The following COPA variants were observed in gnomAD, a reference collection of about 807,000 sequenced individuals.
COPA encodes the protein coat protein complex I subunit alpha.
Under a neutral mutation model 158.7 loss-of-function variants are expected in COPA, and 10 were observed. The observed-to-expected ratio is 0.06, with a 90% CI of 0.04 to 0.11. COPA has a LOEUF of 0.11. COPA is among the 10% of genes least tolerant of loss of function. The pLI, the probability that COPA is intolerant of heterozygous loss-of-function variation, is 1.00. For synonymous variants in COPA, 462 were observed against 542.8 expected, an observed-to-expected ratio of 0.85 and a Z score of 2.07; for missense variants, 1,065 against 1,536.7, an observed-to-expected ratio of 0.69 and a Z score of 5.13.
chr1:160,293,971 G>C (rs1658322395), intron 25 of COPA, among the ~76,000 whole-genome samples: 1 of 152,212 alleles, frequency 6.6e-6, no homozygotes, highest in Non-Finnish European at 1.5e-5. Context: ...CTCCAATTCA[G>C]ATGAAACAGC....
At chr1:160,307,356 G>T (rs1214145686) in intron 13 of COPA, 111 bp from the exon 14 acceptor site, 3 of 974,504 alleles carry the variant, frequency 3.1e-6, no homozygotes, top group Non-Finnish European at 5.0e-6. Context: ...GGCTTTGCCA[G>T]TTGAGCTGCT....
intron 15 of COPA, 102 bp from the exon 16 acceptor site, chr1:160,305,875 T>TCTTAATGTAATTCTAATTACATAAAATA (rs1658770655): frequency 1.1e-6 from 1 of 910,256 alleles, no homozygotes; most frequent in Non-Finnish European, 1.8e-6. Flanking sequence ...AACCCCAATT[T>TCTTAATGTAATTCTAATTACATAAAATA]CTTAATGTAA....
At position 160,305,700 on chromosome 1, in the gene COPA, G is replaced by A; in HGVS notation, c.1516C>T (p.Leu506=). Residue 506 remains leucine, a synonymous_variant, in exon 16 of 33, where the codon CTA becomes TTA. Coordinates refer to ENST00000241704, the MANE Select transcript of COPA (RefSeq NM_004371.4). ...WSADMSHVAL[L]AKHAIVICNR... ...AATGAAGACTCACCGTGTTTGGCTAGTAGTGCTACATGTGACATGTCTGCT... is the reference window on the plus strand; with the variant it reads ...AATGAAGACTCACCGTGTTTGGCTAATAGTGCTACATGTGACATGTCTGCT... 6.2e-7 allele frequency: 1 copy of A among 1,614,172 alleles called. No homozygotes were observed. The highest frequency in any genetic ancestry group is 8.5e-7 in the Non-Finnish European group (1 of 1,180,006).
rs776622239 is a variant in COPA, at chr1:160,292,144, G to A, written c.3015C>T (p.Asp1005=). The change falls in exon 29 of 33, where the codon GAC becomes GAT. Residue 1005 remains aspartate, a synonymous_variant. Coordinates refer to ENST00000241704, the MANE Select transcript of COPA (RefSeq NM_004371.4). The part of the protein sequence containing the change: ...GVPAVGLKLN[D]LIQRLQLCYQ... ...AGCACAGCTGCAACCGTTGGATGAG[G>A]TCATTAAGCTTCAGGCCCACAGCTG... 1.9e-6 allele frequency: 3 copies of A among 1,614,028 alleles called. No individual in the cohort carries two copies. Among genetic ancestry groups the A allele is most frequent in the Non-Finnish European group, 2.5e-6 (3 of 1,180,030 alleles).
At position 160,305,554 on chromosome 1, in the gene COPA, G is replaced by A. The variant is rs141240745; in HGVS notation, c.1546C>T (p.Arg516Cys). Reference sequence around the variant, plus strand: ...ATGTTACATAAAGCATCCAGTTTGCGGTTACAGATCACAATGGCTGTAAGA... The same window carrying A: ...ATGTTACATAAAGCATCCAGTTTGCAGTTACAGATCACAATGGCTGTAAGA... The part of the protein sequence containing the change: ...LAKHAIVICN[R>C]KLDALCNIHE... The change falls in exon 17 of 33, where the codon CGC becomes TGC. Residue 516 changes from arginine (R) to cysteine (C), a missense_variant. Coordinates refer to ENST00000241704, the MANE Select transcript of COPA (RefSeq NM_004371.4). The A allele has an allele frequency of 5.0e-6, 8 of 1,614,162 alleles. No homozygotes were observed. The highest frequency in any genetic ancestry group is 6.8e-6 in the Non-Finnish European group (8 of 1,180,040).
rs1430210786 is a variant in COPA at position 160,306,428 on chromosome 1, G to T, written c.1368C>A (p.Ile456=). The T allele has an allele frequency of 6.2e-7, 1 of 1,614,166 alleles. No homozygotes were observed. The highest frequency in any genetic ancestry group is 2.2e-5 in the East Asian group (1 of 44,890). Residue 456 remains isoleucine (I), a synonymous_variant, in exon 15 of 33, where the codon ATC becomes ATA. Transcript: ENST00000241704. ...GGAGATTGCCTGTGCCAGCATAGAA[G>T]ATCTCATCACAGTTGGGCACCTGTA... ...KKVQVPNCDE[I]FYAGTGNLLL...
intron 12 of COPA, 101 bp downstream of exon 12, chr1:160,310,091 A>G (rs1658917378): frequency 3.1e-6 from 2 of 655,604 alleles, no homozygotes; most frequent in Non-Finnish European, 4.9e-6. Flanking sequence ...CAAAATGACC[A>G]TTAAATAGTT....
chr1:160,336,779 T>G (rs1055976866), intron 3 of COPA, among the ~76,000 whole-genome samples: 18 of 152,316 alleles, frequency 1.2e-4, no homozygotes, highest in Non-Finnish European at 2.2e-4. Context: ...TATTTCTAAT[T>G]TTTAACTTTT....
At chr1:160,343,016 C>T in intron 1 of COPA, 115 bp downstream of exon 1, 2 of 1,272,062 alleles carry the variant, frequency 1.6e-6, no homozygotes, top group African/African-American at 2.9e-5. Context: ...CCGTCTTCCT[C>T]CGGGTCCGTC....
intron 8 of COPA, among the ~76,000 whole-genome samples, chr1:160,316,859 A>G (rs1659160125): frequency 6.6e-6 from 1 of 152,200 alleles, no homozygotes; most frequent in Non-Finnish European, 1.5e-5. Flanking sequence ...AACTTGAGGA[A>G]GAAATATCCA....
At chr1:160,294,889 T>A in intron 23 of COPA, 32 bp from the exon 24 acceptor site, 1 of 1,597,864 alleles carries the variant, frequency 6.3e-7, no homozygotes, top group Non-Finnish European at 8.6e-7. Flanking sequence ...CGGAACTGGT[T>A]ATAGTCCAGC....
intron 17 of COPA, among the ~76,000 whole-genome samples, chr1:160,299,533 TTC>T (rs1361669559): frequency 6.6e-6 from 1 of 152,248 alleles, no homozygotes; most frequent in African/African-American, 2.4e-5. Flanking sequence ...AAATCTTAAG[TTC>T]TGATATATAA....
chr1:160,297,211 G>T (rs1658444627), intron 21 of COPA, 132 bp downstream of exon 21: 10 of 777,824 alleles, frequency 1.3e-5, no homozygotes, highest in Non-Finnish European at 1.9e-5. Context: ...AAGCACAGTA[G>T]GAGCATGTTG....
intron 5 of COPA, 108 bp downstream of exon 5, chr1:160,333,495 A>G: frequency 4.2e-6 from 3 of 717,300 alleles, no homozygotes; most frequent in Non-Finnish European, 6.8e-6. Context: ...GTAATTAATC[A>G]GCCGACATAG....
At chr1:160,330,960 G>C (rs1485441956) in intron 6 of COPA, among the ~76,000 whole-genome samples, 1 of 152,124 alleles carries the variant, frequency 6.6e-6, no homozygotes, top group African/African-American at 2.4e-5. Flanking sequence ...GATCACCTGA[G>C]ATCAGGAGCT....
At chr1:160,322,595 C>T (rs1049631580) in intron 8 of COPA, among the ~76,000 whole-genome samples, 2 of 151,780 alleles carry the variant, frequency 1.3e-5, no homozygotes, top group Non-Finnish European at 2.9e-5. Context: ...AATATATATA[C>T]ATATATATAG....
chr1:160,307,191 C>A lies in COPA; in HGVS notation c.1274G>T (p.Arg425Leu), dbSNP rs767077238. 1.2e-6 allele frequency: 2 copies of A among 1,614,152 alleles called. No individual in the cohort carries two copies. The highest frequency in any genetic ancestry group is 1.7e-6 in the Non-Finnish European group (2 of 1,180,022). ...ATGCATCCGATCTAGGACAGCAAAC[C>A]GATTTCGAGCGACCCAAACGGCTGT... ...GLTAVWVARNRFAVLDRMHSL... is the reference protein window; with the variant it reads ...GLTAVWVARNLFAVLDRMHSL... The change falls in exon 14 of 33, where the codon CGG (arginine) becomes CTG (leucine). Residue 425 changes from arginine to leucine, a missense_variant. Coordinates refer to ENST00000241704, the MANE Select transcript of COPA (RefSeq NM_004371.4).
intron 17 of COPA, 157 bp downstream of exon 17, chr1:160,305,276 G>A (rs1241580587): frequency 1.6e-6 from 1 of 617,960 alleles, no homozygotes; most frequent in Non-Finnish European, 2.7e-6. Context: ...TTTTAAAAAA[G>A]TTGAAAAAAG....
Position 160,309,192 on chromosome 1 carries a change from G to A in COPA, c.1144-16C>T. 1 of 1,601,032 alleles carries A rather than the reference G, an allele frequency of 6.2e-7. No homozygotes were observed. The highest frequency in any genetic ancestry group is 8.6e-7 in the Non-Finnish European group (1 of 1,168,836). On this transcript the variant is annotated splice_polypyrimidine_tract_variant and intron_variant, in intron 12 of 32. Transcript: ENST00000241704. The stretch of plus-strand genomic sequence containing the variant: ...TGCTAGCTCTCTGTAGAAGAAAAGG[G>A]GAAATTAAAATGTTAGTGAGAAGCA...
Sources: gnomAD v4.1 joint callset for allele counts (sites outside exome capture counted in the v4.1 genomes callset) on GRCh38, gnomAD v4.1.1 for gene constraint, MANE v1.5 for transcripts, NCBI Gene and HGNC (gene_info 2026-07-23, HGNC 2026-07-21) for gene names.